HHAT: variants seen among roughly 807,000 people sequenced by gnomAD.
HHAT encodes hedgehog acyltransferase, also known as protein-cysteine N-palmitoyltransferase HHAT.
HHAT carries 47 observed loss-of-function variants against 70.8 expected under a neutral mutation model. The observed-to-expected ratio is 0.66, with a 90% CI of 0.53 to 0.85. The LOEUF is 0.85. HHAT is among the 40% of genes least tolerant of loss of function. The pLI is 0.00. For missense variants in HHAT, 609 were observed against 604.8 expected (o/e 1.01, Z -0.07); for synonymous variants, 228 against 247.6 (o/e 0.92, Z 0.74).
In HHAT at chr1:210,516,116, G is replaced by A. The variant is rs550477219; in HGVS notation, c.1043+2928G>A. Among the ~76,000 whole-genome samples, 4 of 152,196 alleles carry A rather than the reference G, an allele frequency of 2.6e-5. No homozygotes were observed. In the South Asian group the frequency reaches 8.3e-4, roughly 32 times the overall value. ...GTATTTTCTGCCCCCAGCTTGGGAG[G>A]GAAGTCAAACCTGATGGGACCCAGC... is the stretch of plus-strand genomic sequence containing the variant. On this transcript the variant is annotated intron_variant, in intron 9 of 11. Transcript: ENST00000261458.
chr1:210,664,632 C>T (rs1373572665), intron 11 of HHAT, among the ~76,000 whole-genome samples: 1 of 152,188 alleles, frequency 6.6e-6, no homozygotes, highest in Non-Finnish European at 1.5e-5. Context: ...TATGTACATA[C>T]AGTTAGGGGC....
intron 1 of HHAT, among the ~76,000 whole-genome samples, chr1:210,346,268 T>C (rs1272751016): frequency 6.6e-6 from 1 of 152,112 alleles, no homozygotes; most frequent in African/African-American, 2.4e-5. Context: ...AATTAGGAGA[T>C]CAGCTTTTTG....
chr1:210,623,212 C>A (rs1669202482), intron 10 of HHAT, among the ~76,000 whole-genome samples: 2 of 152,248 alleles, frequency 1.3e-5, no homozygotes, highest in East Asian at 1.9e-4. Flanking sequence ...GCTGGGACTA[C>A]AGTCATATGC....
intron 10 of HHAT, among the ~76,000 whole-genome samples, chr1:210,591,342 A>T (rs1446778780): frequency 6.6e-6 from 1 of 152,012 alleles, no homozygotes; most frequent in Non-Finnish European, 1.5e-5. Flanking sequence ...TCCCTTAATT[A>T]CTTCCAGTTC....
intron 7 of HHAT, among the ~76,000 whole-genome samples, chr1:210,454,655 G>C (rs767597980): frequency 7.6e-4 from 115 of 152,164 alleles, no homozygotes; most frequent in Non-Finnish European, 1.4e-3. Flanking sequence ...CTTCTTCCCT[G>C]CATTTCTTGA....
Position 210,674,445 on chromosome 1 carries a change from C to A in HHAT, c.*66C>A. 1 of 1,273,414 alleles carries A rather than the reference C, an allele frequency of 7.9e-7. No individual in the cohort carries two copies. The highest frequency in any genetic ancestry group is 1.1e-6 in the Non-Finnish European group (1 of 877,844). 78.9% of individuals were successfully genotyped at this position (1,273,414 alleles called of 1,614,324 possible). ...GGCAAATAGTGCTTCACCCTGACCT[C>A]TCACTCCAGGACAGCCTCTAAGGGA... On this transcript the variant is annotated 3_prime_UTR_variant, in exon 12 of 12. Transcript: ENST00000261458.
At chr1:210,584,758 A>G (rs933491876) in intron 9 of HHAT, among the ~76,000 whole-genome samples, 9 of 151,946 alleles carry the variant, frequency 5.9e-5, no homozygotes, top group African/African-American at 2.2e-4. Context: ...TCTCCCCTGC[A>G]CTCTGGAACC....
At chr1:210,637,656 T>G (rs1007274845) in intron 11 of HHAT, among the ~76,000 whole-genome samples, 7 of 151,994 alleles carry the variant, frequency 4.6e-5, no homozygotes, top group African/African-American at 1.7e-4. Flanking sequence ...GGTCAAGAGA[T>G]CGAGACCATC....
At chr1:210,620,956 G>T (rs12406888) in intron 10 of HHAT, among the ~76,000 whole-genome samples, 11 of 151,612 alleles carry the variant, frequency 7.3e-5, no homozygotes, top group Admixed American at 6.6e-4. Flanking sequence ...GAATATGGGG[G>T]TAGTCACAGA....
At chr1:210,568,616 G>T (rs748632663) in intron 9 of HHAT, among the ~76,000 whole-genome samples, 2 of 152,214 alleles carry the variant, frequency 1.3e-5, no homozygotes, top group East Asian at 1.9e-4. Flanking sequence ...CAAGAGCCCC[G>T]TTAGAGAATT....
intron 8 of HHAT, among the ~76,000 whole-genome samples, chr1:210,509,784 A>T (rs983459781): frequency 6.6e-6 from 1 of 152,198 alleles, no homozygotes; most frequent in South Asian, 2.1e-4. Context: ...ACATGATCCA[A>T]GGAAAGTGAG....
At chr1:210,460,686 G>A (rs2093961380) in intron 7 of HHAT, among the ~76,000 whole-genome samples, 1 of 152,194 alleles carries the variant, frequency 6.6e-6, no homozygotes, top group Admixed American at 6.5e-5. Context: ...TGAATGAGAT[G>A]AGACCATATT....
intron 7 of HHAT, among the ~76,000 whole-genome samples, chr1:210,421,503 T>A (rs903815292): frequency 2.6e-5 from 4 of 152,146 alleles, no homozygotes; most frequent in African/African-American, 9.7e-5. Flanking sequence ...TGAAGTACAG[T>A]GGGGCGATCT....
chr1:210,364,934 T>A (rs1279161251), intron 3 of HHAT, among the ~76,000 whole-genome samples: 1 of 152,244 alleles, frequency 6.6e-6, no homozygotes, highest in Non-Finnish European at 1.5e-5. Flanking sequence ...CATCCCTCTG[T>A]CTGACTATCC....
chr1:210,430,561 A>G (rs1294909249), intron 7 of HHAT, among the ~76,000 whole-genome samples: 7 of 151,918 alleles, frequency 4.6e-5, no homozygotes, highest in African/African-American at 9.7e-5. Flanking sequence ...TGAAGATCAT[A>G]GTTTCTAATT....
chr1:210,557,703 T>C (rs945294724), intron 9 of HHAT, among the ~76,000 whole-genome samples: 1 of 152,150 alleles, frequency 6.6e-6, no homozygotes, highest in Non-Finnish European at 1.5e-5. Context: ...ATGAGACTTA[T>C]TCACTATCAC....
intron 6 of HHAT, among the ~76,000 whole-genome samples, chr1:210,405,693 A>T (rs2092301727): frequency 6.6e-6 from 1 of 152,204 alleles, no homozygotes; most frequent in Non-Finnish European, 1.5e-5. Flanking sequence ...ATTCAAGAAT[A>T]TATTTTTGCA....
At chr1:210,352,139 C>A (rs941994209) in intron 2 of HHAT, among the ~76,000 whole-genome samples, 8 of 152,122 alleles carry the variant, frequency 5.3e-5, no homozygotes, top group Admixed American at 1.3e-4. Flanking sequence ...GGGAACGGGG[C>A]GAGGGGTTCC....
chr1:210,505,396 G>A (rs1446389278), intron 8 of HHAT, among the ~76,000 whole-genome samples: 5 of 152,200 alleles, frequency 3.3e-5, no homozygotes, highest in African/African-American at 1.2e-4. Context: ...TGAACAAAAA[G>A]CTGGGGTCTA....
Sources: allele counts gnomAD v4.1 joint callset (sites outside exome capture counted in the v4.1 genomes callset), GRCh38; gene constraint gnomAD v4.1.1; transcripts MANE v1.5; gene names NCBI Gene and HGNC (gene_info 2026-07-23, HGNC 2026-07-21).